Variants in BRINP3 observed in about 807,000 individuals in gnomAD.
BRINP3 encodes BMP/retinoic acid-inducible neural-specific protein 3.
BRINP3 carries 19 observed loss-of-function variants against 71.0 expected under a neutral mutation model. That is an observed-to-expected ratio of 0.27 (90% CI 0.19 to 0.39). The LOEUF is 0.39. Among genes scored for constraint, BRINP3 ranks in the 10% least tolerant of loss-of-function variants. BRINP3 has a pLI of 1.00. For synonymous variants in BRINP3, 380 were observed against 337.7 expected (o/e 1.13, Z -1.37); for missense variants, 959 against 940.8 (o/e 1.02, Z -0.25).
chr1:190,242,428 A>T (rs1395782133), intron 4 of BRINP3, among the ~76,000 whole-genome samples: 4 of 152,074 alleles, frequency 2.6e-5, no homozygotes, highest in Admixed American at 1.3e-4. Context: ...ATACAGTTTA[A>T]AATAGTGTAT....
chr1:190,380,376 T>C (rs573766603), intron 2 of BRINP3, among the ~76,000 whole-genome samples: 16 of 152,258 alleles, frequency 1.1e-4, no homozygotes, highest in African/African-American at 3.8e-4. Context: ...AAAGCTCCAT[T>C]TTCAATGTAT....
chr1:190,291,123 C>T (rs564394473), intron 2 of BRINP3, among the ~76,000 whole-genome samples: 206 of 151,994 alleles, frequency 1.4e-3, no homozygotes, highest in Middle Eastern at 3.4e-3. Flanking sequence ...TGACTAGCTA[C>T]CCAGGAAACA....
At chr1:190,129,261 C>A (rs1010157949) in intron 7 of BRINP3, among the ~76,000 whole-genome samples, 2 of 151,662 alleles carry the variant, frequency 1.3e-5, no homozygotes, top group African/African-American at 4.8e-5. Flanking sequence ...ATAGTTTCCT[C>A]TATGTAAACC....
At chr1:190,135,936 T>C (rs1654937921) in intron 7 of BRINP3, among the ~76,000 whole-genome samples, 1 of 152,056 alleles carries the variant, frequency 6.6e-6, no homozygotes, top group Admixed American at 6.6e-5. Context: ...CACACATTAC[T>C]ATAGTAGCTA....
intron 6 of BRINP3, among the ~76,000 whole-genome samples, chr1:190,168,548 A>C (rs1651752807): frequency 6.6e-6 from 1 of 152,210 alleles, no homozygotes; most frequent in South Asian, 2.1e-4. Context: ...CAATTACTTG[A>C]GTAAAAAATT....
At chr1:190,154,242 A>G (rs1656671284) in intron 7 of BRINP3, 1 of 163,318 alleles carries the variant, frequency 6.1e-6, no homozygotes, top group Admixed American at 6.6e-5. Context: ...GGTGTGATGC[A>G]GCATGCGCTC....
At chr1:190,314,456 A>G (rs1665747033) in intron 2 of BRINP3, among the ~76,000 whole-genome samples, 1 of 152,084 alleles carries the variant, frequency 6.6e-6, no homozygotes, top group Admixed American at 6.6e-5. Context: ...AATATAATCC[A>G]AACAGTCATT....
intron 7 of BRINP3, among the ~76,000 whole-genome samples, chr1:190,121,485 C>T (rs960901143): frequency 2.0e-5 from 3 of 152,022 alleles, no homozygotes; most frequent in Admixed American, 2.0e-4. Flanking sequence ...AATCAATTTG[C>T]TAACAATGTG....
intron 1 of BRINP3, among the ~76,000 whole-genome samples, chr1:190,465,331 G>A (rs956874555): frequency 4.0e-5 from 6 of 151,886 alleles, no homozygotes; most frequent in African/African-American, 9.7e-5. Context: ...TATAGGGAAC[G>A]CTTTGACAAA....
intron 2 of BRINP3, among the ~76,000 whole-genome samples, chr1:190,432,127 A>G (rs531688573): frequency 6.6e-6 from 1 of 152,324 alleles, no homozygotes; most frequent in South Asian, 2.1e-4. Context: ...TAAATCCCTG[A>G]TAATTTTTAT....
intron 3 of BRINP3, among the ~76,000 whole-genome samples, chr1:190,272,565 A>G (rs1662200924): frequency 1.3e-5 from 2 of 151,604 alleles, no homozygotes; most frequent in South Asian, 4.1e-4. Flanking sequence ...CCTTTTTATT[A>G]AGACCTAACA....
intron 6 of BRINP3, among the ~76,000 whole-genome samples, chr1:190,209,791 C>G (rs1214719187): frequency 6.6e-6 from 1 of 152,064 alleles, no homozygotes; most frequent in African/African-American, 2.4e-5. Context: ...GGTCCAAATT[C>G]TATAGATTGC....
intron 1 of BRINP3, among the ~76,000 whole-genome samples, chr1:190,460,245 G>T: frequency 6.7e-6 from 1 of 150,248 alleles, no homozygotes; most frequent in Non-Finnish European, 1.5e-5. Flanking sequence ...ATAAATGTTA[G>T]AATTATTTAT....
intron 4 of BRINP3, among the ~76,000 whole-genome samples, chr1:190,249,814 ATATATAT>A (rs1659966868): frequency 1.3e-5 from 2 of 151,884 alleles, no homozygotes; most frequent in African/African-American, 4.8e-5. Context: ...AAGACTAATG[ATATATAT>A]TATATAGTCA....
intron 2 of BRINP3, among the ~76,000 whole-genome samples, chr1:190,408,814 T>A (rs1672471487): frequency 6.6e-6 from 1 of 152,168 alleles, no homozygotes; most frequent in South Asian, 2.1e-4. Context: ...GCTGTCAACC[T>A]CCAGATGTTA....
intron 2 of BRINP3, among the ~76,000 whole-genome samples, chr1:190,346,977 C>T (rs1423988760): frequency 6.6e-6 from 1 of 151,928 alleles, no homozygotes; most frequent in African/African-American, 2.4e-5. Flanking sequence ...TTCATTAAAT[C>T]ATTTTTACAG....
chr1:190,188,150 A>T (rs1316251822), intron 6 of BRINP3, among the ~76,000 whole-genome samples: 1 of 152,066 alleles, frequency 6.6e-6, no homozygotes, highest in Non-Finnish European at 1.5e-5. Flanking sequence ...TGTGATTTTT[A>T]AAATTTCTTT....
chr1:190,161,055 G>A (rs932346819), intron 6 of BRINP3, among the ~76,000 whole-genome samples, 165 bp from the exon 7 acceptor site: 1 of 151,972 alleles, frequency 6.6e-6, no homozygotes, highest in Non-Finnish European at 1.5e-5. Context: ...ATAGAAGATG[G>A]GGTTTTTAGA....
chr1:190,382,062 C>T (rs1316776236), intron 2 of BRINP3, among the ~76,000 whole-genome samples: 2 of 152,152 alleles, frequency 1.3e-5, no homozygotes, highest in Non-Finnish European at 2.9e-5. Context: ...TGTGGCTATA[C>T]TATTAGTAAC....
Sources: gnomAD v4.1 joint callset for allele counts (sites outside exome capture counted in the v4.1 genomes callset) on GRCh38, gnomAD v4.1.1 for gene constraint, MANE v1.5 for transcripts, NCBI Gene and HGNC (gene_info 2026-07-23, HGNC 2026-07-21) for gene names.